Variants in ENTPD1 observed in about 807,000 individuals in gnomAD.
ENTPD1 encodes the protein ATP diphosphohydrolase.
In ENTPD1, 33 loss-of-function variants were observed where a neutral mutation model predicts 57.0. The ratio of observed to expected loss-of-function variants is 0.58; its 90% CI spans 0.44 to 0.77. The LOEUF (loss-of-function observed/expected upper bound fraction) is 0.77, where lower values mean the gene tolerates loss of function less well. ENTPD1 is among the 30% of genes least tolerant of loss of function. The pLI is 0.00. For missense variants in ENTPD1, 501 were observed against 603.4 expected (o/e 0.83, Z 1.78); for synonymous variants, 202 against 218.8 (o/e 0.92, Z 0.68).
the ENTPD1 span, among the ~76,000 whole-genome samples, chr10:95,705,982 C>G: frequency 1.3e-5 from 2 of 152,036 alleles, no homozygotes; most frequent in Non-Finnish European, 2.9e-5. Context: ...ACCTATAGGT[C>G]CAGCCACTTG....
In ENTPD1 at chr10:95,875,725, G is replaced by C; in HGVS notation, c.*9342G>C. ...GTTCCACCTGGCTGGGGAGGCCTCA[G>C]AATCATGGCAGGAGGTGAAAGGCAT... On this transcript the variant is annotated 3_prime_UTR_variant, in exon 10 of 10. Coordinates refer to ENST00000371205, the MANE Select transcript of ENTPD1 (RefSeq NM_001776.6). The C allele has an allele frequency of 6.0e-6, 1 of 166,856 alleles. No individual in the cohort carries two copies. Among genetic ancestry groups the C allele is most frequent in the Non-Finnish European group, 1.3e-5 (1 of 78,218 alleles). 10.3% of individuals were successfully genotyped at this position (166,856 alleles called of 1,614,324 possible).
intron 1 of ENTPD1, among the ~76,000 whole-genome samples, chr10:95,763,367 T>C (rs564980358): frequency 1.3e-5 from 2 of 152,212 alleles, no homozygotes; most frequent in Non-Finnish European, 1.5e-5. Flanking sequence ...TTGTAAATGA[T>C]TTTTATTTTT....
At chr10:95,802,653 T>C (rs1242466552) in intron 1 of ENTPD1, among the ~76,000 whole-genome samples, 2 of 152,298 alleles carry the variant, frequency 1.3e-5, no homozygotes, top group Admixed American at 6.5e-5. Context: ...TTCCCCGCCC[T>C]GTGTCCAAGT....
intron 1 of ENTPD1, among the ~76,000 whole-genome samples, chr10:95,743,997 C>CATATATATATATATATAT (rs57187898): frequency 1.2e-5 from 1 of 80,992 alleles, no homozygotes; most frequent in African/African-American, 3.9e-5. Context: ...TATTTTAAAC[C>CATATATATATATATATAT]ATATATATAT....
At chr10:95,731,918 G>A (rs1012880283) in intron 1 of ENTPD1, among the ~76,000 whole-genome samples, 5 of 150,876 alleles carry the variant, frequency 3.3e-5, no homozygotes, top group Admixed American at 6.7e-5. Flanking sequence ...GAGTACCTGC[G>A]ATTACAGGCA....
chr10:95,726,400 C>A (rs1376424181), intron 1 of ENTPD1, among the ~76,000 whole-genome samples: 1 of 152,026 alleles, frequency 6.6e-6, no homozygotes, highest in Non-Finnish European at 1.5e-5. Flanking sequence ...TCCAAAAATT[C>A]TTATTTAACA....
At chr10:95,715,880 T>C (rs1175819119) in intron 1 of ENTPD1, among the ~76,000 whole-genome samples, 4 of 152,206 alleles carry the variant, frequency 2.6e-5, no homozygotes, top group Non-Finnish European at 5.9e-5. Context: ...TGTTTGCTTG[T>C]TTGTGACAGG....
chr10:95,856,966 C>A (rs1482805557), intron 7 of ENTPD1, among the ~76,000 whole-genome samples: 1 of 151,568 alleles, frequency 6.6e-6, no homozygotes, highest in East Asian at 1.9e-4. Context: ...GAGGGACTTC[C>A]ATTTTTAACT....
chr10:95,851,191 TA>T (rs199579469), intron 7 of ENTPD1, among the ~76,000 whole-genome samples: 1,881 of 152,140 alleles, frequency 0.012, 50 homozygotes, highest in African/African-American at 0.043. Flanking sequence ...TAAAGAACAT[TA>T]AAAACACATT....
chr10:95,787,752 T>A (rs183856823), intron 1 of ENTPD1, among the ~76,000 whole-genome samples: 51 of 152,278 alleles, frequency 3.3e-4, no homozygotes, highest in Non-Finnish European at 5.4e-4. Context: ...TTAACCTATA[T>A]TATTTGCATT....
chr10:95,809,765 G>C (rs1032586868), intron 1 of ENTPD1, among the ~76,000 whole-genome samples: 9 of 150,052 alleles, frequency 6.0e-5, no homozygotes, highest in Admixed American at 1.3e-4. Flanking sequence ...GGGCGGCTGG[G>C]CAGAGGCACT....
intron 1 of ENTPD1, among the ~76,000 whole-genome samples, chr10:95,815,871 G>C (rs2098328340): frequency 6.6e-6 from 1 of 152,194 alleles, no homozygotes; most frequent in Admixed American, 6.5e-5. Flanking sequence ...GGGCAACTTG[G>C]AGAACAAACA....
At chr10:95,811,561 A>C (rs1446914828) in intron 1 of ENTPD1, among the ~76,000 whole-genome samples, 2 of 151,964 alleles carry the variant, frequency 1.3e-5, no homozygotes, top group Non-Finnish European at 2.9e-5. Flanking sequence ...ATAATTTTTA[A>C]ATTTTTTGTA....
chr10:95,729,939 C>A (rs2097987539), intron 1 of ENTPD1, among the ~76,000 whole-genome samples: 1 of 152,162 alleles, frequency 6.6e-6, no homozygotes, highest in Non-Finnish European at 1.5e-5. Flanking sequence ...TGATTTGTAG[C>A]AAGTCAGAAA....
chr10:95,833,098 AT>A (rs2098401143), intron 2 of ENTPD1, among the ~76,000 whole-genome samples: 1 of 152,126 alleles, frequency 6.6e-6, no homozygotes, highest in African/African-American at 2.4e-5. Context: ...CTTTGGAAAG[AT>A]TTGCTCTGAT....
chr10:95,694,862 G>T, the ENTPD1 span, among the ~76,000 whole-genome samples: 673 of 149,626 alleles, frequency 4.5e-3, 2 homozygotes, highest in Middle Eastern at 0.021. Flanking sequence ...GCAATTGTGC[G>T]CTTGAAATGT....
intron 1 of ENTPD1, among the ~76,000 whole-genome samples, chr10:95,736,341 T>C (rs977149378): frequency 2.6e-5 from 4 of 152,174 alleles, no homozygotes; most frequent in African/African-American, 9.7e-5. Flanking sequence ...TGTGACCAAT[T>C]CGTGTGCTGA....
chr10:95,712,861 C>T (rs2097967184), intron 1 of ENTPD1, among the ~76,000 whole-genome samples: 1 of 152,042 alleles, frequency 6.6e-6, no homozygotes, highest in Middle Eastern at 3.2e-3. Context: ...GATGAAACCC[C>T]ATCTCTACTA....
chr10:95,837,349 G>A (rs1044714650), intron 2 of ENTPD1, among the ~76,000 whole-genome samples: 3 of 152,326 alleles, frequency 2.0e-5, no homozygotes, highest in South Asian at 4.1e-4. Flanking sequence ...TCTGCCATGT[G>A]TAATTCCTGA....
Sources: gnomAD v4.1 joint callset for allele counts (sites outside exome capture counted in the v4.1 genomes callset) on GRCh38, gnomAD v4.1.1 for gene constraint, MANE v1.5 for transcripts, NCBI Gene and HGNC (gene_info 2026-07-23, HGNC 2026-07-21) for gene names.